MRTFB: variants seen among roughly 807,000 people sequenced by gnomAD.
The protein encoded by MRTFB is myocardin-related transcription factor B.
MRTFB carries 29 observed loss-of-function variants against 104.2 expected under a neutral mutation model. That is an observed-to-expected ratio of 0.28 (90% CI 0.21 to 0.38). The LOEUF (loss-of-function observed/expected upper bound fraction) is 0.38, where lower values mean the gene tolerates loss of function less well. Among genes scored for constraint, MRTFB ranks in the 10% least tolerant of loss-of-function variants. The pLI is 1.00. For missense variants in MRTFB, 1,270 were observed against 1,341.6 expected, an observed-to-expected ratio of 0.95 and a Z score of 0.83; for synonymous variants, 535 against 519.5, an observed-to-expected ratio of 1.03 and a Z score of -0.41.
chr16:13,998,427 T>C, the MRTFB span, among the ~76,000 whole-genome samples: 1 of 152,062 alleles, frequency 6.6e-6, no homozygotes, highest in Non-Finnish European at 1.5e-5. Context: ...GGCAGGAGAA[T>C]CTCTTGAGGT....
rs151090783 is a variant in MRTFB, at chr16:14,104,792, C to G, written c.-64+25438C>G. Among the ~76,000 whole-genome samples the G allele has an allele frequency of 1.3e-5, 2 of 152,176 alleles. 1 individual carries two copies. The highest frequency in any genetic ancestry group is 2.9e-5 in the Non-Finnish European group (2 of 68,032). ...ATGTAGGCACCGCAGTCCATTTTCACGGAATAGCTATTCCATTCATTGGAT... is the reference window on the plus strand; with the variant it reads ...ATGTAGGCACCGCAGTCCATTTTCAGGGAATAGCTATTCCATTCATTGGAT... On this transcript the variant is annotated intron_variant, in intron 2 of 16. Coordinates refer to ENST00000571589, the MANE Select transcript of MRTFB (RefSeq NM_001308142.2).
chr16:14,097,359 T>C (rs2035440959), intron 2 of MRTFB, among the ~76,000 whole-genome samples: 1 of 152,220 alleles, frequency 6.6e-6, no homozygotes, highest in Non-Finnish European at 1.5e-5. Context: ...CAGACCACTG[T>C]GCAATCCAGG....
the MRTFB span, among the ~76,000 whole-genome samples, chr16:14,036,296 T>TATATATATATATATA: frequency 2.2e-4 from 22 of 98,310 alleles, no homozygotes; most frequent in South Asian, 7.8e-4. Flanking sequence ...TTATATATAT[T>TATATATATATATATA]TATATATATA....
intron 2 of MRTFB, among the ~76,000 whole-genome samples, chr16:14,091,529 C>A (rs1352043588): frequency 6.6e-6 from 1 of 152,068 alleles, no homozygotes; most frequent in Non-Finnish European, 1.5e-5. Flanking sequence ...AGTTTGTGCT[C>A]CCCGGCCAGG....
rs764194293 is a variant in MRTFB at position 14,186,941 on chromosome 16, A to G, written c.155-23302A>G. On this transcript the variant is annotated intron_variant, in intron 3 of 16. Transcript: ENST00000571589. ...TGATCGATAGCTCCAAGAAGCAGCA[A>G]CAGGGCTTCCCAGAGATTTTAACTG... is the stretch of plus-strand genomic sequence containing the variant. The G allele has an allele frequency of 3.8e-6, 6 of 1,598,164 alleles. No homozygotes were observed. The Admixed American group carries it at 6.7e-5, about 18-fold the overall frequency.
chr16:14,263,213 T>G lies in MRTFB; in HGVS notation c.*1769T>G, dbSNP rs1454109198. On this transcript the variant is annotated 3_prime_UTR_variant, in exon 17 of 17. Coordinates refer to ENST00000571589, the MANE Select transcript of MRTFB (RefSeq NM_001308142.2). ...AGTCTGTGATGAATAGTTTAAGTGT[T>G]CAGAAATTGGTAAACCAACACACGG... The G allele has an allele frequency of 1.3e-5, 2 of 152,180 alleles. No individual in the cohort carries two copies. Among genetic ancestry groups the G allele is most frequent in the Non-Finnish European group, 2.9e-5 (2 of 68,052 alleles). The allele number at this position is 152,180 out of a possible 1,614,324, so 9.4% of individuals were successfully genotyped here.
At chr16:14,138,869 A>G (rs1338968577) in intron 2 of MRTFB, among the ~76,000 whole-genome samples, 1 of 152,248 alleles carries the variant, frequency 6.6e-6, no homozygotes, top group Non-Finnish European at 1.5e-5. Flanking sequence ...TCAAATACAC[A>G]TATGCCAAAA....
the MRTFB span, among the ~76,000 whole-genome samples, chr16:14,026,704 T>C: frequency 1.3e-5 from 2 of 152,074 alleles, no homozygotes; most frequent in African/African-American, 4.8e-5. Flanking sequence ...AACTCAGTGG[T>C]TGAAAATAAG....
At chr16:14,095,251 G>C (rs2035296630) in intron 2 of MRTFB, among the ~76,000 whole-genome samples, 1 of 152,192 alleles carries the variant, frequency 6.6e-6, no homozygotes, top group Admixed American at 6.5e-5. Context: ...TAAACATCAA[G>C]TGCTTATGGT....
intron 8 of MRTFB, among the ~76,000 whole-genome samples, chr16:14,226,478 C>T (rs2042006901): frequency 6.6e-6 from 1 of 152,068 alleles, no homozygotes; most frequent in African/African-American, 2.4e-5. Context: ...TGGATATCCA[C>T]ATGCAAAAAA....
intron 2 of MRTFB, among the ~76,000 whole-genome samples, chr16:14,107,217 C>T (rs1023926400): frequency 6.6e-6 from 1 of 152,192 alleles, no homozygotes; most frequent in African/African-American, 2.4e-5. Context: ...TCCTGGGTGA[C>T]AGAGCAAGAC....
the MRTFB span, among the ~76,000 whole-genome samples, chr16:14,001,328 T>G: frequency 6.6e-6 from 1 of 152,200 alleles, no homozygotes; most frequent in African/African-American, 2.4e-5. Flanking sequence ...GGCTCCATTA[T>G]CTGCTGTGAG....
At chr16:14,161,531 CA>C (rs768783645) in intron 3 of MRTFB, among the ~76,000 whole-genome samples, 4 of 151,838 alleles carry the variant, frequency 2.6e-5, no homozygotes, top group Non-Finnish European at 5.9e-5. Context: ...TTGAAGTGGG[CA>C]AAAATTTTTT....
chr16:14,187,028 C>T, intron 3 of MRTFB: 1 of 1,594,796 alleles, frequency 6.3e-7, no homozygotes, highest in Non-Finnish European at 8.5e-7. Flanking sequence ...AGAAAAGTCT[C>T]AAGGAAGGTC....
intron 3 of MRTFB, among the ~76,000 whole-genome samples, chr16:14,160,561 G>T (rs2038990936): frequency 6.6e-6 from 1 of 151,960 alleles, no homozygotes; most frequent in South Asian, 2.1e-4. Flanking sequence ...AGACTATTCT[G>T]TTTCCCAACC....
At chr16:14,214,626 CAGAT>C (rs2041338297) in intron 6 of MRTFB, among the ~76,000 whole-genome samples, 1 of 152,100 alleles carries the variant, frequency 6.6e-6, no homozygotes, top group Non-Finnish European at 1.5e-5. Context: ...GTGAGCGAGA[CAGAT>C]GGATGCCTGA....
chr16:14,026,156 A>G, the MRTFB span, among the ~76,000 whole-genome samples: 1 of 152,236 alleles, frequency 6.6e-6, no homozygotes, highest in Non-Finnish European at 1.5e-5. Context: ...TAAAGAAACT[A>G]AAACAGCTAA....
intron 2 of MRTFB, among the ~76,000 whole-genome samples, chr16:14,087,823 C>G (rs1417840330): frequency 6.6e-6 from 1 of 152,162 alleles, no homozygotes; most frequent in African/African-American, 2.4e-5. Flanking sequence ...TGATTACTGA[C>G]ACTTGGGAAT....
intron 12 of MRTFB, 39 bp downstream of exon 12, chr16:14,247,546 T>C: frequency 6.7e-7 from 1 of 1,498,782 alleles, no homozygotes; most frequent in Non-Finnish European, 8.9e-7. Context: ...CCTTACAGCA[T>C]GCATGGAATG....
Sources: allele counts gnomAD v4.1 joint callset (sites outside exome capture counted in the v4.1 genomes callset), GRCh38; gene constraint gnomAD v4.1.1; transcripts MANE v1.5; gene names NCBI Gene and HGNC (gene_info 2026-07-23, HGNC 2026-07-21).